The following THSD7B variants were observed in gnomAD, a reference collection of about 807,000 sequenced individuals.
THSD7B encodes the protein thrombospondin type-1 domain-containing protein 7B.
In THSD7B, 138 loss-of-function variants were observed where a neutral mutation model predicts 213.6. That is an observed-to-expected ratio of 0.65 (90% CI 0.56 to 0.74). THSD7B has a LOEUF of 0.74. Among genes scored for constraint, THSD7B ranks in the 30% least tolerant of loss-of-function variants. THSD7B has a pLI of 0.00. For synonymous variants in THSD7B, 742 were observed against 687.0 expected, an observed-to-expected ratio of 1.08 and a Z score of -1.25; for missense variants, 1,931 against 1,991.5, an observed-to-expected ratio of 0.97 and a Z score of 0.58.
At position 137,658,796 on chromosome 2, in the gene THSD7B, A is replaced by G. The variant is rs12478249; in HGVS notation, c.4376-868A>G. Reference sequence around the variant, plus strand: ...GACAATGTAGGTCTGACTGTTCGCTACTCTGCCTTAGGCCCAGAGCTTTTT... The same window carrying G: ...GACAATGTAGGTCTGACTGTTCGCTGCTCTGCCTTAGGCCCAGAGCTTTTT... On this transcript the variant is annotated intron_variant, in intron 24 of 27. Coordinates refer to ENST00000409968, the MANE Select transcript of THSD7B (RefSeq NM_001316349.2). Among the ~76,000 whole-genome samples the G allele has an allele frequency of 4.6e-3, 700 of 152,292 alleles. 2 individuals carry two copies. Among genetic ancestry groups the G allele is most frequent in the Middle Eastern group, 0.027 (8 of 294 alleles).
intron 14 of THSD7B, among the ~76,000 whole-genome samples, chr2:137,432,962 G>A (rs1687216884): frequency 1.3e-5 from 2 of 152,084 alleles, no homozygotes; most frequent in African/African-American, 4.8e-5. Context: ...TCTAATTCTT[G>A]GCTCATTTAC....
rs767340969 is a variant in THSD7B at position 137,450,928 on chromosome 2, T to A, written c.3043T>A (p.Ser1015Thr). 1.9e-6 allele frequency: 3 copies of A among 1,613,628 alleles called. No homozygotes were observed. The South Asian group carries it at 3.3e-5, about 18-fold the overall frequency. ...GTCTAGTTGGGGGTCTTGCAGTTCATCTTGTGGAATTGGAGTGAGAATTCG... is the reference window on the plus strand; with the variant it reads ...GTCTAGTTGGGGGTCTTGCAGTTCAACTTGTGGAATTGGAGTGAGAATTCG... ...DWSSWGSCSS[S>T]CGIGVRIRSK... The change falls in exon 15 of 28, where the codon TCT becomes ACT. Residue 1015 changes from serine (S) to threonine (T), a missense_variant. By Grantham distance (58) the Ser-to-Thr change is moderately conservative. Transcript: ENST00000409968.
At chr2:137,044,407 G>A (rs561689534) in intron 2 of THSD7B, among the ~76,000 whole-genome samples, 17 of 152,096 alleles carry the variant, frequency 1.1e-4, no homozygotes, top group Admixed American at 2.0e-4. Context: ...TTGATGCTGC[G>A]GTTACTATGA....
intron 10 of THSD7B, among the ~76,000 whole-genome samples, chr2:137,245,005 G>A (rs1282595371): frequency 6.6e-6 from 1 of 152,028 alleles, no homozygotes; most frequent in African/African-American, 2.4e-5. Context: ...ATGGGGGGGT[G>A]GTGTCCCAGA....
At chr2:137,060,828 C>A (rs1415854538) in intron 3 of THSD7B, among the ~76,000 whole-genome samples, 1 of 151,674 alleles carries the variant, frequency 6.6e-6, no homozygotes, top group Admixed American at 6.6e-5. Flanking sequence ...GTGTTGTCTG[C>A]AGTGAATCTT....
chr2:137,011,142 G>A (rs956398943), intron 2 of THSD7B, among the ~76,000 whole-genome samples: 3 of 152,080 alleles, frequency 2.0e-5, no homozygotes, highest in Non-Finnish European at 4.4e-5. Context: ...ACTTGCCAGA[G>A]CTGAAGGTAG....
At chr2:136,811,038 A>T (rs1486328459) in intron 1 of THSD7B, among the ~76,000 whole-genome samples, 1 of 152,180 alleles carries the variant, frequency 6.6e-6, no homozygotes, top group Non-Finnish European at 1.5e-5. Flanking sequence ...GAAGTTGGCA[A>T]CAAAGGGAGC....
At chr2:137,567,107 G>A (rs1681253257) in intron 16 of THSD7B, among the ~76,000 whole-genome samples, 1 of 151,656 alleles carries the variant, frequency 6.6e-6, no homozygotes, top group Middle Eastern at 3.4e-3. Flanking sequence ...AGCTATGGAA[G>A]GTTTGATGTG....
intron 12 of THSD7B, among the ~76,000 whole-genome samples, chr2:137,376,572 T>C (rs1381753524): frequency 6.6e-6 from 1 of 152,242 alleles, no homozygotes; most frequent in Non-Finnish European, 1.5e-5. Context: ...AAAAGTGGAA[T>C]AAATCATACA....
At chr2:137,303,664 A>C (rs1683661657) in intron 12 of THSD7B, among the ~76,000 whole-genome samples, 1 of 126,600 alleles carries the variant, frequency 7.9e-6, no homozygotes, top group Non-Finnish European at 1.6e-5. Flanking sequence ...TTTCGTGTTT[A>C]TATATATTAA....
chr2:137,532,553 A>T (rs1429999853), intron 15 of THSD7B, among the ~76,000 whole-genome samples: 2 of 151,842 alleles, frequency 1.3e-5, no homozygotes, highest in Non-Finnish European at 1.5e-5. Context: ...TTTCCGTATT[A>T]TAGAGTGCAA....
At position 137,151,566 on chromosome 2, in the gene THSD7B, T is replaced by C. The variant is rs570907067; in HGVS notation, c.1370-8647T>C. ...GCAACAAAAAGACAATGCCTTCTTC[T>C]GGAATACCTCCTGAAGGACCTGCCT... On this transcript the variant is annotated intron_variant, in intron 5 of 27. Transcript: ENST00000409968. 1.5e-3 allele frequency among the ~76,000 whole-genome samples: 224 copies of C among 152,034 alleles called. 2 individuals are homozygous for C. Among genetic ancestry groups the C allele is most frequent in the African/African-American group, 4.7e-3 (195 of 41,516 alleles).
intron 12 of THSD7B, among the ~76,000 whole-genome samples, chr2:137,378,428 T>G (rs1376797820): frequency 1.3e-5 from 2 of 152,200 alleles, no homozygotes; most frequent in Non-Finnish European, 1.5e-5. Flanking sequence ...GAGGGAGTAG[T>G]TGAGGATTAA....
At chr2:137,346,214 C>G (rs1300861986) in intron 12 of THSD7B, among the ~76,000 whole-genome samples, 1 of 151,666 alleles carries the variant, frequency 6.6e-6, no homozygotes, top group Admixed American at 6.6e-5. Flanking sequence ...TCTTGCAAAA[C>G]AAACTCTCTA....
chr2:137,294,880 G>A (rs1683421996), intron 12 of THSD7B, among the ~76,000 whole-genome samples: 1 of 151,982 alleles, frequency 6.6e-6, no homozygotes, highest in African/African-American at 2.4e-5. Flanking sequence ...AAAATATTAG[G>A]AAAATCAATG....
At chr2:136,798,269 C>G (rs916312733) in intron 1 of THSD7B, among the ~76,000 whole-genome samples, 16 of 139,354 alleles carry the variant, frequency 1.1e-4, no homozygotes, top group Admixed American at 9.6e-4. Context: ...TTAGGATATG[C>G]CTGCCTTTAC....
At chr2:136,974,188 G>C (rs1311960619) in intron 2 of THSD7B, among the ~76,000 whole-genome samples, 1 of 152,050 alleles carries the variant, frequency 6.6e-6, no homozygotes. Context: ...AAAATATACT[G>C]TTTTACTTTA....
intron 17 of THSD7B, among the ~76,000 whole-genome samples, chr2:137,583,317 T>A (rs1681628573): frequency 6.6e-6 from 1 of 152,244 alleles, no homozygotes. Context: ...TAGTTTCTTT[T>A]GCTGTGCATA....
intron 12 of THSD7B, among the ~76,000 whole-genome samples, chr2:137,352,649 T>G (rs1685038803): frequency 6.6e-6 from 1 of 152,004 alleles, no homozygotes. Flanking sequence ...TCCTGATATG[T>G]AAATTGCTGA....
Sources: allele counts gnomAD v4.1 joint callset (sites outside exome capture counted in the v4.1 genomes callset), GRCh38; gene constraint gnomAD v4.1.1; transcripts MANE v1.5; gene names NCBI Gene and HGNC (gene_info 2026-07-23, HGNC 2026-07-21).